Variants in SCAI observed in about 807,000 individuals in gnomAD.
The protein encoded by SCAI is protein SCAI.
A neutral mutation model predicts 92.2 loss-of-function variants in SCAI; 24 were observed. The ratio of observed to expected loss-of-function variants is 0.26; its 90% CI spans 0.19 to 0.37. SCAI has a LOEUF of 0.37. Ranked by LOEUF, SCAI falls within the 10% of genes least tolerant of loss-of-function variation. The pLI is 1.00. For synonymous variants in SCAI, 261 were observed against 258.6 expected (o/e 1.01, Z -0.09); for missense variants, 450 against 736.2 (o/e 0.61, Z 4.50).
At chr9:125,008,711 G>T (rs1050545267) in intron 9 of SCAI, among the ~76,000 whole-genome samples, 5 of 152,182 alleles carry the variant, frequency 3.3e-5, no homozygotes, top group African/African-American at 9.7e-5. Context: ...AGACACACGT[G>T]GCACTGTGAA....
chr9:125,116,014 G>A (rs977719178), intron 2 of SCAI, among the ~76,000 whole-genome samples: 2 of 152,134 alleles, frequency 1.3e-5, no homozygotes, highest in Admixed American at 1.3e-4. Context: ...GGCCAACATC[G>A]TGAAATCCCA....
At position 124,952,106 on chromosome 9, in the gene SCAI, T is replaced by C. The variant is rs1184883407; in HGVS notation, c.*701A>G. On this transcript the variant is annotated 3_prime_UTR_variant, in exon 18 of 18. Transcript: ENST00000336505. ...TTGACTAAAATATTTCAAAGTTGTT[T>C]CCTTTTTCATTTCCAGCATTCACAG... 4 of 152,214 alleles carry C rather than the reference T, an allele frequency of 2.6e-5. No individual in the cohort carries two copies. Among genetic ancestry groups the C allele is most frequent in the Admixed American group, 2.6e-4 (4 of 15,276 alleles). 9.4% of individuals were successfully genotyped at this position (152,214 alleles called of 1,614,324 possible).
chr9:124,961,128 TAAAA>T (rs11382746), intron 17 of SCAI, among the ~76,000 whole-genome samples: 6 of 119,868 alleles, frequency 5.0e-5, no homozygotes, highest in Admixed American at 4.2e-4. Context: ...TGTCTCAAAT[TAAAA>T]AAAAAAAAAA....
chr9:125,139,930 A>G (rs1835626925), intron 2 of SCAI, among the ~76,000 whole-genome samples: 1 of 152,244 alleles, frequency 6.6e-6, no homozygotes, highest in South Asian at 2.1e-4. Flanking sequence ...CCATATTAGA[A>G]AAAATAAAAA....
Position 125,003,577 on chromosome 9 carries a change from G to GAAA in SCAI, c.862-10_862-8dup. On this transcript the variant is annotated splice_region_variant and splice_polypyrimidine_tract_variant and intron_variant, in intron 9 of 17. Transcript: ENST00000336505. ...TTAGTTCACTGAACTTAACCTGCAA[G>GAAA]AAAAAAAAAAACAAACACAACCTAG... 11 of 1,254,228 alleles carry GAAA rather than the reference G, an allele frequency of 8.8e-6. No individual in the cohort carries two copies. Among genetic ancestry groups the GAAA allele is most frequent in the Non-Finnish European group, 1.1e-5 (10 of 926,124 alleles). 77.7% of individuals were successfully genotyped at this position (1,254,228 alleles called of 1,614,324 possible).
intron 2 of SCAI, among the ~76,000 whole-genome samples, chr9:125,056,454 G>A (rs1012284739): frequency 1.3e-5 from 2 of 151,956 alleles, no homozygotes; most frequent in Admixed American, 6.6e-5. Flanking sequence ...GACAGAGCGA[G>A]ACACCATCTC....
chr9:125,137,164 C>A (rs1250626695), intron 2 of SCAI, among the ~76,000 whole-genome samples: 1 of 152,176 alleles, frequency 6.6e-6, no homozygotes, highest in Admixed American at 6.5e-5. Flanking sequence ...AGAGCAACCC[C>A]TGCACTGTTT....
intron 2 of SCAI, among the ~76,000 whole-genome samples, chr9:125,108,673 C>T (rs1423687117): frequency 2.0e-5 from 3 of 146,482 alleles, no homozygotes; most frequent in East Asian, 4.9e-4. Context: ...CCCCTCCGCC[C>T]GGCAGCCGCC....
At chr9:125,037,735 T>C (rs750248591) in intron 3 of SCAI, among the ~76,000 whole-genome samples, 4 of 149,650 alleles carry the variant, frequency 2.7e-5, no homozygotes, top group Admixed American at 1.3e-4. Context: ...ACCAACATGG[T>C]GAAAACCCGT....
At chr9:125,036,946 C>T (rs1216767884) in intron 3 of SCAI, among the ~76,000 whole-genome samples, 2 of 152,150 alleles carry the variant, frequency 1.3e-5, no homozygotes, top group East Asian at 3.9e-4. Context: ...CATGGAGAGA[C>T]CTTACCTCTT....
At chr9:124,968,224 A>C in intron 17 of SCAI, 2 of 924,102 alleles carry the variant, frequency 2.2e-6, no homozygotes. Context: ...AAAAAAACAG[A>C]CCTCAGCTGC....
At position 124,973,648 on chromosome 9, in the gene SCAI, T is replaced by C. The variant is rs184181758; in HGVS notation, c.1400-1804A>G. On this transcript the variant is annotated intron_variant, in intron 15 of 17. Coordinates refer to ENST00000336505, the MANE Select transcript of SCAI (RefSeq NM_001144877.3). ...GAGTTTGAGACCAGCCTGGCCAACATTTTTAGTCTCTCATAAAAATACAAA... is the reference window on the plus strand; with the variant it reads ...GAGTTTGAGACCAGCCTGGCCAACACTTTTAGTCTCTCATAAAAATACAAA... Among the ~76,000 whole-genome samples the C allele has an allele frequency of 1.0e-3, 156 of 152,052 alleles. 1 individual carries two copies. Among genetic ancestry groups the C allele is most frequent in the African/African-American group, 3.6e-3 (149 of 41,492 alleles).
chr9:125,090,440 CG>C (rs1457845838), intron 2 of SCAI, among the ~76,000 whole-genome samples: 2 of 147,186 alleles, frequency 1.4e-5, no homozygotes, highest in Admixed American at 6.9e-5. Context: ...GAGTAAGGAG[CG>C]ATGGAGAGAT....
At chr9:125,065,960 T>C (rs755457988) in intron 2 of SCAI, 7 of 755,412 alleles carry the variant, frequency 9.3e-6, no homozygotes, top group Non-Finnish European at 1.7e-5. Flanking sequence ...ATAAAGGATA[T>C]GTATTTTAAA....
intron 14 of SCAI, among the ~76,000 whole-genome samples, chr9:124,977,069 A>G (rs762866356): frequency 5.3e-5 from 8 of 151,830 alleles, no homozygotes; most frequent in Non-Finnish European, 8.8e-5. Flanking sequence ...GGATTTTGCC[A>G]TGTTGCCCAG....
At chr9:125,122,204 G>T (rs566007536) in intron 2 of SCAI, among the ~76,000 whole-genome samples, 160 of 152,290 alleles carry the variant, frequency 1.1e-3, no homozygotes, top group Non-Finnish European at 1.9e-3. Flanking sequence ...CTTTCGGTTG[G>T]ACTGAGTAGT....
chr9:125,066,613 G>A (rs953634649), intron 2 of SCAI, among the ~76,000 whole-genome samples: 4 of 151,966 alleles, frequency 2.6e-5, no homozygotes, highest in East Asian at 3.9e-4. Context: ...CTGCCACCGC[G>A]CCCGGCTAAT....
At chr9:125,020,062 G>C (rs112670795) in intron 7 of SCAI, among the ~76,000 whole-genome samples, 31 of 120,702 alleles carry the variant, frequency 2.6e-4, no homozygotes, top group African/African-American at 9.2e-4. Flanking sequence ...GACAGAGCGA[G>C]ACCTTGTCTC....
At chr9:125,028,303 C>T in intron 5 of SCAI, 89 bp downstream of exon 5, 1 of 708,152 alleles carries the variant, frequency 1.4e-6, no homozygotes, top group South Asian at 1.8e-5. Flanking sequence ...ATTTTCATGC[C>T]TAGCAATGAG....
Sources: allele counts gnomAD v4.1 joint callset (sites outside exome capture counted in the v4.1 genomes callset), GRCh38; gene constraint gnomAD v4.1.1; transcripts MANE v1.5; gene names NCBI Gene and HGNC (gene_info 2026-07-23, HGNC 2026-07-21).